Variants in TKTL1 observed in about 807,000 individuals in gnomAD.
The protein encoded by TKTL1 is transketolase-like protein 1.
A neutral mutation model predicts 39.3 loss-of-function variants in TKTL1; 1 was observed. The observed-to-expected ratio is 0.03, with a 90% CI of 0.01 to 0.12. The LOEUF (loss-of-function observed/expected upper bound fraction) is 0.12. Among genes scored for constraint, TKTL1 ranks in the 10% least tolerant of loss-of-function variants. TKTL1 has a pLI of 1.00. For synonymous variants in TKTL1, 262 were observed against 193.8 expected (o/e 1.35, Z -2.92); for missense variants, 575 against 509.6 (o/e 1.13, Z -1.24).
In TKTL1 at chrX:154,315,175, A is replaced by G. The variant is rs1569550978; in HGVS notation, c.867A>G (p.Ile289Met). The change falls in exon 7 of 13, where the codon ATA becomes ATG. Residue 289 changes from isoleucine (I) to methionine (M), a missense_variant and splice_region_variant. Ile to Met is a conservative substitution (Grantham distance 10). Coordinates refer to ENST00000369915, the MANE Select transcript of TKTL1 (RefSeq NM_012253.4). ...ACCTGATTGTCTCTGTCTTCTAGATAGCTACTCGGAAAGCATGCGGTCTGG... is the reference window on the plus strand; with the variant it reads ...ACCTGATTGTCTCTGTCTTCTAGATGGCTACTCGGAAAGCATGCGGTCTGG... The part of the protein sequence containing the change: ...SPPDYRVGDK[I>M]ATRKACGLAL... The G allele has an allele frequency of 8.3e-7, 1 of 1,209,925 alleles. No individual in the cohort carries two copies. The highest frequency in any genetic ancestry group is 1.1e-6 in the Non-Finnish European group (1 of 894,459).
chrX:154,324,062 G>A (rs1470114825), intron 9 of TKTL1, among the ~76,000 whole-genome samples: 4 of 112,069 alleles, frequency 3.6e-5, no homozygotes, highest in African/African-American at 6.5e-5. Context: ...ACTCATGGGC[G>A]TTTCTTTGAT....
intron 12 of TKTL1, 109 bp downstream of exon 12, chrX:154,328,067 A>G (rs1476496664): frequency 1.0e-6 from 1 of 1,003,192 alleles, no homozygotes; most frequent in Non-Finnish European, 1.4e-6. Flanking sequence ...CTCACCCAGC[A>G]TGGCTTTGTT....
At chrX:154,299,617 A>G (rs2067257606) in intron 1 of TKTL1, among the ~76,000 whole-genome samples, 1 of 110,142 alleles carries the variant, frequency 9.1e-6, no homozygotes, top group Non-Finnish European at 1.9e-5. Flanking sequence ...CCTCCTTCCT[A>G]CCTTCCCCCT....
At chrX:154,303,986 G>A (rs1228164880) in intron 1 of TKTL1, among the ~76,000 whole-genome samples, 7 of 110,676 alleles carry the variant, frequency 6.3e-5, no homozygotes, top group African/African-American at 2.3e-4. Flanking sequence ...GAGCCTCAAA[G>A]GTGCAGACAC....
intron 1 of TKTL1, among the ~76,000 whole-genome samples, chrX:154,299,101 C>G (rs1393102623): frequency 9.6e-6 from 1 of 104,078 alleles, no homozygotes; most frequent in Non-Finnish European, 2.0e-5. Context: ...GTATTTTGTA[C>G]TTCTGTTTTC....
chrX:154,328,205 G>C, intron 12 of TKTL1, among the ~76,000 whole-genome samples: 1 of 111,175 alleles, frequency 9.0e-6, no homozygotes, highest in Non-Finnish European at 1.9e-5. Flanking sequence ...GGCAAGCGAG[G>C]TGTCATGAAA....
At position 154,295,795 on chromosome X, in the gene TKTL1, G is replaced by T; in HGVS notation, c.-65G>T. The stretch of plus-strand genomic sequence containing the variant: ...TAAACGCACTGGGCAGCTCGCAGGC[G>T]CCATTCGCTCTTCAGACGCCGGAGA... On this transcript the variant is annotated 5_prime_UTR_variant, in exon 1 of 13. Coordinates refer to ENST00000369915, the MANE Select transcript of TKTL1 (RefSeq NM_012253.4). The T allele has an allele frequency of 4.3e-6, 5 of 1,169,919 alleles. No homozygotes were observed. The highest frequency in any genetic ancestry group is 3.8e-5 in the South Asian group (2 of 52,514).
chrX:154,315,024 A>AT, intron 6 of TKTL1, 149 bp from the exon 7 acceptor site: 1 of 596,185 alleles, frequency 1.7e-6, no homozygotes, highest in Non-Finnish European at 2.5e-6. Context: ...TGTTTATGAC[A>AT]TTAAAGGAAA....
chrX:154,302,283 T>C (rs1192911072), intron 1 of TKTL1, among the ~76,000 whole-genome samples: 1 of 111,092 alleles, frequency 9.0e-6, no homozygotes, highest in Non-Finnish European at 1.9e-5. Flanking sequence ...CTGTAGAGAA[T>C]GTCATCTAAG....
chrX:154,312,573 A>C lies in TKTL1; in HGVS notation c.671-7A>C. The C allele has an allele frequency of 8.3e-7, 1 of 1,202,802 alleles. No individual in the cohort carries two copies. Among genetic ancestry groups the C allele is most frequent in the East Asian group, 3.0e-5 (1 of 33,746 alleles). ...GGAATGGATGTCTTTTGTTTGTTTC[A>C]TTACAGGTATTGAGGATGCAGAAAG... On this transcript the variant is annotated splice_polypyrimidine_tract_variant and splice_region_variant and intron_variant, in intron 5 of 12. Transcript: ENST00000369915.
chrX:154,298,376 C>T (rs1330130145), intron 1 of TKTL1, among the ~76,000 whole-genome samples: 5 of 111,469 alleles, frequency 4.5e-5, no homozygotes, highest in African/African-American at 1.6e-4. Flanking sequence ...ACCACCATGC[C>T]CTGCCCATCT....
At position 154,315,274 on chromosome X, in the gene TKTL1, T is replaced by C; in HGVS notation, c.966T>C (p.Ser322=). Residue 322 remains serine (S), a synonymous_variant, in exon 7 of 13, where the codon TCT becomes TCC. Transcript: ENST00000369915. ...GTGACACCAGGTACTCTACTTTCTC[T>C]GAGATATTCAACAAGGAGTACCCTG... is the stretch of plus-strand genomic sequence containing the variant. The part of the protein sequence containing the change: ...LDGDTRYSTF[S]EIFNKEYPER... The C allele has an allele frequency of 8.3e-7, 1 of 1,208,244 alleles. No homozygotes were observed. Among genetic ancestry groups the C allele is most frequent in the South Asian group, 1.8e-5 (1 of 56,903 alleles).
chrX:154,305,206 G>A (rs1557166968), intron 1 of TKTL1, 98 bp from the exon 2 acceptor site: 16 of 1,178,107 alleles, frequency 1.4e-5, no homozygotes, highest in Non-Finnish European at 1.8e-5. Flanking sequence ...TCCCGGGCTG[G>A]GAGAAATGAC....
chrX:154,324,071 AT>A (rs1174002242), intron 9 of TKTL1, among the ~76,000 whole-genome samples: 26 of 105,342 alleles, frequency 2.5e-4, no homozygotes, highest in East Asian at 1.5e-3. Flanking sequence ...CGTTTCTTTG[AT>A]TTTTTTTTTT....
intron 1 of TKTL1, among the ~76,000 whole-genome samples, chrX:154,299,685 G>GA (rs2067258126): frequency 9.0e-6 from 1 of 111,070 alleles, no homozygotes. Context: ...ACTTACAAGT[G>GA]AAAACATACA....
In TKTL1 at chrX:154,295,892, G is replaced by T. The variant is rs139493929; in HGVS notation, c.33G>T (p.Pro11=). 1.2e-4 allele frequency: 143 copies of T among 1,210,313 alleles called. No individual in the cohort carries two copies. Among genetic ancestry groups the T allele is most frequent in the Non-Finnish European group, 1.4e-4 (126 of 895,141 alleles). Residue 11 remains proline, a synonymous_variant, in exon 1 of 13, where the codon CCG becomes CCT. Transcript: ENST00000369915. ...ATGCTGAGGCGAGGGCTGAGTTCCC[G>T]GAGGAGGCCAGACCTGACAGGGGCA... MADAEARAEF[P]EEARPDRGTL... is the part of the protein sequence containing the mutation.
intron 1 of TKTL1, among the ~76,000 whole-genome samples, chrX:154,297,372 C>A (rs1557164858): frequency 9.0e-6 from 1 of 110,661 alleles, no homozygotes; most frequent in African/African-American, 3.3e-5. Flanking sequence ...TCTCCTGCCT[C>A]AGCCTCCGGA....
At chrX:154,304,975 C>T in intron 1 of TKTL1, 1 of 990,647 alleles carries the variant, frequency 1.0e-6, no homozygotes, top group Non-Finnish European at 1.3e-6. Context: ...ATTCACAATG[C>T]TCCTGAAAGT....
chrX:154,308,495 A>G (rs1557167654), intron 2 of TKTL1, among the ~76,000 whole-genome samples: 1 of 111,884 alleles, frequency 8.9e-6, no homozygotes. Context: ...TGATCAGTCA[A>G]CTTCAGTTTT....
Sources: gnomAD v4.1 joint callset for allele counts (sites outside exome capture counted in the v4.1 genomes callset) on GRCh38, gnomAD v4.1.1 for gene constraint, MANE v1.5 for transcripts, NCBI Gene and HGNC (gene_info 2026-07-23, HGNC 2026-07-21) for gene names.